Variants in LYST observed in about 807,000 individuals in gnomAD.
LYST encodes the protein lysosomal-trafficking regulator.
A neutral mutation model predicts 413.6 loss-of-function variants in LYST; 192 were observed. That is an observed-to-expected ratio of 0.46 (90% CI 0.41 to 0.52). LYST has a LOEUF of 0.52. Among genes scored for constraint, LYST ranks in the 20% least tolerant of loss-of-function variants. The pLI is 0.00. For missense variants in LYST, 3,815 were observed against 4,499.9 expected (o/e 0.85, Z 4.35); for synonymous variants, 1,525 against 1,567.3 (o/e 0.97, Z 0.64).
At chr1:235,846,997 G>A (rs768951994) in intron 1 of LYST, among the ~76,000 whole-genome samples, 5 of 152,128 alleles carry the variant, frequency 3.3e-5, no homozygotes, top group Admixed American at 6.6e-5. Flanking sequence ...TGCTAGAGAC[G>A]TAGACATCCA....
intron 34 of LYST, 81 bp from the exon 35 acceptor site, chr1:235,731,258 G>C (rs1301109817): frequency 2.0e-5 from 25 of 1,227,136 alleles, no homozygotes; most frequent in Non-Finnish European, 2.9e-5. Flanking sequence ...TAGAGATTGA[G>C]TAAGTAAGTC....
chr1:235,681,099 C>T (rs562097727), intron 48 of LYST, among the ~76,000 whole-genome samples: 10 of 152,236 alleles, frequency 6.6e-5, no homozygotes, highest in South Asian at 4.2e-4. Context: ...CAAAGAACTC[C>T]GGGGACCCAC....
Position 235,808,444 on chromosome 1 carries a change from C to CA in LYST, c.2363+10dup, listed in dbSNP as rs760632806. ...ACCCCCGCCCCCGCCGCCACCCACA[C>CA]ACATACAAACCTGGATTTAAGCAGG... On this transcript the variant is annotated intron_variant, in intron 5 of 52. Coordinates refer to ENST00000389793, the MANE Select transcript of LYST (RefSeq NM_000081.4). 9.4e-4 allele frequency: 1,521 copies of CA among 1,611,954 alleles called. 1 individual carries two copies. Among genetic ancestry groups the CA allele is most frequent in the Non-Finnish European group, 1.2e-3 (1,363 of 1,178,910 alleles).
chr1:235,689,337 A>G (rs925333816), intron 47 of LYST, among the ~76,000 whole-genome samples: 2 of 152,224 alleles, frequency 1.3e-5, no homozygotes, highest in African/African-American at 4.8e-5. Context: ...AAATCCTGTT[A>G]TTTGTGATAA....
At chr1:235,748,453 T>C (rs892343538) in intron 28 of LYST, among the ~76,000 whole-genome samples, 1 of 152,174 alleles carries the variant, frequency 6.6e-6, no homozygotes, top group Non-Finnish European at 1.5e-5. Context: ...ATAGATTATT[T>C]TGTAATCATT....
chr1:235,677,314 T>C (rs919650656), intron 49 of LYST, 126 bp from the exon 50 acceptor site: 15 of 1,060,312 alleles, frequency 1.4e-5, no homozygotes, highest in Non-Finnish European at 2.0e-5. Flanking sequence ...CCTATCTGAT[T>C]GTATGACTTC....
intron 1 of LYST, among the ~76,000 whole-genome samples, chr1:235,875,439 A>G (rs999595492): frequency 6.6e-6 from 1 of 152,222 alleles, no homozygotes; most frequent in African/African-American, 2.4e-5. Context: ...GATGCTGATT[A>G]AGCATTTCAT....
intron 43 of LYST, among the ~76,000 whole-genome samples, chr1:235,709,580 G>A (rs974163970): frequency 3.3e-5 from 5 of 149,958 alleles, no homozygotes; most frequent in Non-Finnish European, 7.4e-5. Context: ...TGAAGAAAAG[G>A]AGAAAACCAT....
intron 48 of LYST, among the ~76,000 whole-genome samples, chr1:235,685,778 A>T (rs1486357845): frequency 6.6e-6 from 1 of 151,596 alleles, no homozygotes; most frequent in Non-Finnish European, 1.5e-5. Flanking sequence ...CCCGGGAGGC[A>T]GAGATTGCAT....
chr1:235,787,480 G>C (rs1670545007), intron 13 of LYST, 107 bp from the exon 14 acceptor site: 1 of 983,310 alleles, frequency 1.0e-6, no homozygotes, highest in East Asian at 2.6e-5. Context: ...TTAAAAATCA[G>C]TTCTATTTTT....
Position 235,757,430 on chromosome 1 carries a change from A to G in LYST, c.6910T>C (p.Cys2304Arg), listed in dbSNP as rs893840159. ...CTTAGGAGTTCATATAATCCACAGC[A>G]TATAGGTACCAAACAGTCTTCAGTT... The part of the protein sequence containing the change: ...SVTEDCLVPI[C>R]CGLYELLSGV... The change falls in exon 24 of 53, where the codon TGC becomes CGC. Residue 2304 changes from cysteine to arginine, a missense_variant. Transcript: ENST00000389793. 1.9e-6 allele frequency: 3 copies of G among 1,613,624 alleles called. No individual in the cohort carries two copies. In the African/African-American group the frequency reaches 4.0e-5, roughly 22 times the overall value.
intron 22 of LYST, among the ~76,000 whole-genome samples, chr1:235,762,255 T>C (rs1359308722): frequency 6.6e-6 from 1 of 152,138 alleles, no homozygotes; most frequent in African/African-American, 2.4e-5. Context: ...AAGCGGGATA[T>C]TGTAGTTTCA....
At chr1:235,738,533 G>T in intron 31 of LYST, 1 of 1,611,738 alleles carries the variant, frequency 6.2e-7, no homozygotes, top group Non-Finnish European at 8.5e-7. Flanking sequence ...GGGAAAGGCT[G>T]GGAGTTCACA....
Position 235,759,043 on chromosome 1 carries a change from AGT to A in LYST, c.6808_6809del (p.Thr2270Ter), listed in dbSNP as rs1667316915. 1 of 1,614,024 alleles carries A rather than the reference AGT, an allele frequency of 6.2e-7. No individual in the cohort carries two copies. Among genetic ancestry groups the A allele is most frequent in the Admixed American group, 1.7e-5 (1 of 59,986 alleles). ...GRWPSLVDRN[T>X]DDWENFAYSL... ...AATAGGCAAAGTTTTCCCAATCATC[AGT>A]GTTTCTATCAACAAGACTTGGCCAA... On this transcript the variant is annotated frameshift_variant, in exon 23 of 53. Transcript: ENST00000389793. LOFTEE classifies it high-confidence loss of function.
chr1:235,721,133 T>C (rs1476682228), intron 39 of LYST, among the ~76,000 whole-genome samples: 1 of 151,652 alleles, frequency 6.6e-6, no homozygotes, highest in Admixed American at 6.6e-5. Context: ...AATATGTTAA[T>C]AAAAACCTTC....
At chr1:235,768,823 T>C (rs775150976) in intron 20 of LYST, among the ~76,000 whole-genome samples, 1 of 152,056 alleles carries the variant, frequency 6.6e-6, no homozygotes, top group Non-Finnish European at 1.5e-5. Flanking sequence ...GATGTATAAA[T>C]GATGCATAAA....
At chr1:235,803,096 A>G in intron 7 of LYST, 32 bp from the exon 8 acceptor site, 5 of 1,580,518 alleles carry the variant, frequency 3.2e-6, no homozygotes, top group South Asian at 1.1e-5. Flanking sequence ...AGGTTGTAAC[A>G]TTTGCTTGTT....
intron 7 of LYST, 141 bp downstream of exon 7, chr1:235,804,363 G>A: frequency 4.1e-6 from 3 of 734,572 alleles, no homozygotes; most frequent in Non-Finnish European, 7.4e-6. Context: ...TCCATCACGA[G>A]GAGATAAGAT....
chr1:235,665,178 T>C (rs1658328190), intron 50 of LYST, among the ~76,000 whole-genome samples: 1 of 152,146 alleles, frequency 6.6e-6, no homozygotes. Context: ...ATGTGTACAG[T>C]AACAAGGTAA....
Sources: allele counts gnomAD v4.1 joint callset (sites outside exome capture counted in the v4.1 genomes callset), GRCh38; gene constraint gnomAD v4.1.1; transcripts MANE v1.5; gene names NCBI Gene and HGNC (gene_info 2026-07-23, HGNC 2026-07-21).